The following OXSR1 variants were observed in gnomAD, a reference collection of about 807,000 sequenced individuals.
OXSR1 encodes the protein serine/threonine-protein kinase OSR1.
In OXSR1, 24 loss-of-function variants were observed where a neutral mutation model predicts 79.8. The ratio of observed to expected loss-of-function variants is 0.30; its 90% CI spans 0.22 to 0.42. The LOEUF (loss-of-function observed/expected upper bound fraction) is 0.42, where lower values mean the gene tolerates loss of function less well. Among genes scored for constraint, OXSR1 ranks in the 10% least tolerant of loss-of-function variants. The probability of loss-of-function intolerance (pLI) is 1.00; values close to 1 mark genes in which losing one functional copy is unlikely to be tolerated. For missense variants in OXSR1, 430 were observed against 618.4 expected (o/e 0.70, Z 3.23); for synonymous variants, 226 against 209.2 (o/e 1.08, Z -0.69).
chr3:38,250,218 A>G (rs1436740833), intron 15 of OXSR1, 200 bp downstream of exon 15: 3 of 539,496 alleles, frequency 5.6e-6, no homozygotes, highest in Non-Finnish European at 6.6e-6. Flanking sequence ...ATAATAATAC[A>G]AACAGTAATA....
chr3:38,204,422 A>G (rs1283438641), intron 4 of OXSR1, among the ~76,000 whole-genome samples: 1 of 152,028 alleles, frequency 6.6e-6, no homozygotes, highest in African/African-American at 2.4e-5. Context: ...TGTAGCCACC[A>G]TAGCTTGGAA....
intron 11 of OXSR1, among the ~76,000 whole-genome samples, chr3:38,237,783 A>G (rs1406581825): frequency 6.6e-6 from 1 of 152,184 alleles, no homozygotes; most frequent in Admixed American, 6.6e-5. Flanking sequence ...CACTGTTTAG[A>G]AGGTAAATGC....
At chr3:38,178,089 C>T (rs533736509) in intron 1 of OXSR1, among the ~76,000 whole-genome samples, 1 of 151,982 alleles carries the variant, frequency 6.6e-6, no homozygotes, top group African/African-American at 2.4e-5. Flanking sequence ...ACGGGGATTA[C>T]AGATGTGTGC....
chr3:38,226,801 A>T (rs1702698410), intron 8 of OXSR1, among the ~76,000 whole-genome samples: 1 of 151,876 alleles, frequency 6.6e-6, no homozygotes, highest in Admixed American at 6.6e-5. Flanking sequence ...AATTAAGAAG[A>T]CGTGAAGACG....
intron 16 of OXSR1, 117 bp from the exon 17 acceptor site, chr3:38,252,211 C>A: frequency 1.3e-6 from 1 of 754,402 alleles, no homozygotes; most frequent in Non-Finnish European, 2.4e-6. Flanking sequence ...GATCTGTCTG[C>A]TTCCATTTTG....
At chr3:38,181,858 T>G (rs1162490889) in intron 1 of OXSR1, among the ~76,000 whole-genome samples, 1 of 151,796 alleles carries the variant, frequency 6.6e-6, no homozygotes, top group Non-Finnish European at 1.5e-5. Context: ...CCTTGGACAT[T>G]TAGGTTATTA....
At chr3:38,224,328 C>G (rs1371956120) in intron 7 of OXSR1, among the ~76,000 whole-genome samples, 2 of 152,176 alleles carry the variant, frequency 1.3e-5, no homozygotes, top group Non-Finnish European at 2.9e-5. Flanking sequence ...AATTTTCTTG[C>G]TTTTTAAGGC....
chr3:38,165,513 A>T, upstream of OXSR1: 3 of 241,082 alleles, frequency 1.2e-5, no homozygotes, highest in Non-Finnish European at 2.4e-5. Flanking sequence ...GCGTGTCGGC[A>T]GGTGGAGGAA....
chr3:38,167,352 C>G (rs893894636), intron 1 of OXSR1, among the ~76,000 whole-genome samples: 1 of 152,182 alleles, frequency 6.6e-6, no homozygotes, highest in African/African-American at 2.4e-5. Context: ...ACCCAGTGAC[C>G]TTGGAAATCA....
intron 13 of OXSR1, among the ~76,000 whole-genome samples, chr3:38,246,470 T>G (rs1278130306): frequency 6.6e-6 from 1 of 152,206 alleles, no homozygotes; most frequent in Non-Finnish European, 1.5e-5. Flanking sequence ...TTGGGCTAAT[T>G]TCTTGTCAGC....
At chr3:38,217,515 TTTTGTTTG>T (rs549586666) in intron 5 of OXSR1, among the ~76,000 whole-genome samples, 18 of 151,998 alleles carry the variant, frequency 1.2e-4, no homozygotes, top group Admixed American at 5.9e-4. Flanking sequence ...AATACCGGGT[TTTTGTTTG>T]TTTGTTTGTT....
chr3:38,220,672 T>A (rs958665711), intron 5 of OXSR1, among the ~76,000 whole-genome samples: 7 of 152,212 alleles, frequency 4.6e-5, no homozygotes, highest in Non-Finnish European at 8.8e-5. Flanking sequence ...CTGGTGACCT[T>A]CAGGATGCTG....
rs115753446 is a variant in OXSR1, at chr3:38,183,146, A to T, written c.183+31A>T. 5.6e-4 allele frequency: 640 copies of T among 1,136,014 alleles called. 4 individuals are homozygous for T. In the African/African-American group the frequency reaches 9.0e-3, roughly 16 times the overall value. The allele number at this position is 1,136,014 out of a possible 1,614,324, so 70.4% of individuals were successfully genotyped here. A position where few individuals can be genotyped will look rare whatever the true frequency, so the allele number is the denominator to read the frequency against. On this transcript the variant is annotated intron_variant, in intron 2 of 17. Coordinates refer to ENST00000311806, the MANE Select transcript of OXSR1 (RefSeq NM_005109.3). Reference sequence around the variant, plus strand: ...CACATCTTATACTTCTGAAATGGAGAGATATACTCATATATTCACATTACA... The same window carrying T: ...CACATCTTATACTTCTGAAATGGAGTGATATACTCATATATTCACATTACA...
intron 4 of OXSR1, among the ~76,000 whole-genome samples, chr3:38,204,849 A>C (rs1456064802): frequency 1.3e-5 from 2 of 151,342 alleles, no homozygotes; most frequent in Non-Finnish European, 2.9e-5. Flanking sequence ...GTGCTCTGCA[A>C]GTCTACTGGC....
chr3:38,201,952 A>T (rs568339179), intron 4 of OXSR1, among the ~76,000 whole-genome samples: 66 of 152,352 alleles, frequency 4.3e-4, no homozygotes, highest in African/African-American at 1.6e-3. Flanking sequence ...CAAACAGGCA[A>T]CTTGTAGAAC....
At chr3:38,249,900 T>C (rs1035514477) in intron 14 of OXSR1, 66 bp from the exon 15 acceptor site, 2 of 939,976 alleles carry the variant, frequency 2.1e-6, no homozygotes, top group East Asian at 2.4e-5. Flanking sequence ...TCTTAATATA[T>C]GTTGGCAGAA....
chr3:38,242,853 G>T, intron 12 of OXSR1, 75 bp downstream of exon 12: 1 of 907,636 alleles, frequency 1.1e-6, no homozygotes, highest in Non-Finnish European at 1.8e-6. Flanking sequence ...AAGTGCTTTT[G>T]TTTGTGCATA....
chr3:38,215,816 G>A (rs1017813363), intron 4 of OXSR1, among the ~76,000 whole-genome samples: 1 of 152,050 alleles, frequency 6.6e-6, no homozygotes, highest in Non-Finnish European at 1.5e-5. Context: ...GTAGAATTAG[G>A]TGAGGGTCAC....
chr3:38,208,019 A>T (rs1008369507), intron 4 of OXSR1, among the ~76,000 whole-genome samples: 1 of 149,522 alleles, frequency 6.7e-6, no homozygotes, highest in Non-Finnish European at 1.5e-5. Context: ...CTTTTTTCCC[A>T]CAAGATTATT....
Sources: allele counts gnomAD v4.1 joint callset (sites outside exome capture counted in the v4.1 genomes callset), GRCh38; gene constraint gnomAD v4.1.1; transcripts MANE v1.5; gene names NCBI Gene and HGNC (gene_info 2026-07-23, HGNC 2026-07-21).